RASSF2: variants seen among roughly 807,000 people sequenced by gnomAD.
RASSF2 encodes the protein Ras association domain family member 2.
In RASSF2, 34 loss-of-function variants were observed where a neutral mutation model predicts 46.3. That is an observed-to-expected ratio of 0.73 (90% CI 0.56 to 0.98). The LOEUF is 0.98. Among genes scored for constraint, RASSF2 ranks in the 50% least tolerant of loss-of-function variants. RASSF2 has a pLI of 0.00. For missense variants in RASSF2, 364 were observed against 431.2 expected (o/e 0.84, Z 1.38); for synonymous variants, 158 against 162.5 (o/e 0.97, Z 0.21).
rs138427842 is a variant in RASSF2, at chr20:4,798,015, G to A, written c.130C>T (p.Arg44Trp). 1.4e-5 allele frequency: 22 copies of A among 1,613,676 alleles called. No homozygotes were observed. Among genetic ancestry groups the A allele is most frequent in the Admixed American group, 5.0e-5 (3 of 59,982 alleles). The change falls in exon 4 of 12, where the codon CGG becomes TGG. Residue 44 changes from arginine to tryptophan, a missense_variant. Arg to Trp is a moderately radical substitution (Grantham distance 101). Transcript: ENST00000379400. ...CGTCCCTGGGGACTCCTTACCTCCC[G>A]GTGCCGGAGCTGTAAATTCTGGCCT... ...YEGQNLQLRHREEEDEFIVEG... is the reference protein window; with the variant it reads ...YEGQNLQLRHWEEEDEFIVEG...
chr20:4,823,294 G>A (rs894712650), intron 1 of RASSF2, among the ~76,000 whole-genome samples: 1 of 151,898 alleles, frequency 6.6e-6, no homozygotes, highest in Non-Finnish European at 1.5e-5. Flanking sequence ...AGTGCCCCGC[G>A]CCCCGCGCCC....
intron 4 of RASSF2, 81 bp downstream of exon 4, chr20:4,797,929 A>G: frequency 7.6e-6 from 12 of 1,574,066 alleles, no homozygotes; most frequent in Non-Finnish European, 1.0e-5. Context: ...TTCTCTTGGG[A>G]CCTCAGGGAC....
chr20:4,811,362 A>T (rs1927793943), intron 2 of RASSF2, among the ~76,000 whole-genome samples: 1 of 151,926 alleles, frequency 6.6e-6, no homozygotes, highest in African/African-American at 2.4e-5. Flanking sequence ...AAAAAATCAA[A>T]TCAAATCAAA....
rs150270542 is a variant in RASSF2, at chr20:4,805,793, G to A, written c.-32-4731C>T. Among the ~76,000 whole-genome samples, 46 of 152,274 alleles carry A rather than the reference G, an allele frequency of 3.0e-4. No individual in the cohort carries two copies. In the East Asian group the frequency reaches 8.5e-3, roughly 28 times the overall value. ...CGTGATGTGGAAAGCACACCCTTTG[G>A]GGAAAGGGTGTGCTGCCGGATGAAA... On this transcript the variant is annotated intron_variant, in intron 2 of 11. Coordinates refer to ENST00000379400, the MANE Select transcript of RASSF2 (RefSeq NM_014737.3).
chr20:4,798,410 T>C (rs1926551814), intron 3 of RASSF2, among the ~76,000 whole-genome samples: 1 of 152,292 alleles, frequency 6.6e-6, no homozygotes, highest in African/African-American at 2.4e-5. Flanking sequence ...TAATAAGCCA[T>C]GGATTCACTG....
At chr20:4,787,550 G>A (rs1925466034) in intron 10 of RASSF2, 83 bp downstream of exon 10, 1 of 1,566,194 alleles carries the variant, frequency 6.4e-7, no homozygotes, top group Admixed American at 1.7e-5. Flanking sequence ...GGTCAAAAAA[G>A]TCATTCTATA....
rs1052053997 is a variant in RASSF2, at chr20:4,795,300, C to A, written c.287+515G>T. 1 of 152,562 alleles carries A rather than the reference C, an allele frequency of 6.6e-6. No homozygotes were observed. Among genetic ancestry groups the A allele is most frequent in the Admixed American group, 6.5e-5 (1 of 15,294 alleles). The allele number at this position is 152,562 out of a possible 1,614,324, so 9.5% of individuals were successfully genotyped here. ...TGGTCTGCAGGGAGCAGACCCCTGG[C>A]TGATCTCGCTTGGCTGACTCTGACA... is the stretch of plus-strand genomic sequence containing the variant. On this transcript the variant is annotated intron_variant, in intron 5 of 11. Coordinates refer to ENST00000379400, the MANE Select transcript of RASSF2 (RefSeq NM_014737.3). The surrounding 1 kb of genome is among the most constrained non-coding windows in gnomAD (Gnocchi z 4.0).
intron 6 of RASSF2, among the ~76,000 whole-genome samples, chr20:4,791,763 GA>G (rs1159550351): frequency 6.6e-6 from 1 of 152,192 alleles, no homozygotes; most frequent in Non-Finnish European, 1.5e-5. Context: ...AGCAGAGGCT[GA>G]AAATGACTTA....
chr20:4,789,029 C>T (rs1925617826), intron 8 of RASSF2, among the ~76,000 whole-genome samples: 1 of 152,128 alleles, frequency 6.6e-6, no homozygotes, highest in Non-Finnish European at 1.5e-5. Context: ...GGTTGTTAGG[C>T]TACACTGGCT....
intron 2 of RASSF2, among the ~76,000 whole-genome samples, chr20:4,810,938 C>A (rs2122637060): frequency 6.6e-6 from 1 of 152,224 alleles, no homozygotes; most frequent in South Asian, 2.1e-4. Context: ...TGGACTGAAA[C>A]CAAGGATGGG....
At chr20:4,792,254 A>AGGG in intron 6 of RASSF2, among the ~76,000 whole-genome samples, 1 of 36,520 alleles carries the variant, frequency 2.7e-5, no homozygotes, top group Non-Finnish European at 4.7e-5. Flanking sequence ...AGGGAAGGGG[A>AGGG]GAGGAGGGGA....
intron 2 of RASSF2, among the ~76,000 whole-genome samples, chr20:4,813,113 C>T (rs1927959915): frequency 1.3e-5 from 2 of 152,220 alleles, no homozygotes; most frequent in African/African-American, 4.8e-5. Flanking sequence ...CAATGAACTA[C>T]CCCTCCCATT....
chr20:4,803,580 C>A (rs1927076508), intron 2 of RASSF2, among the ~76,000 whole-genome samples: 1 of 151,626 alleles, frequency 6.6e-6, no homozygotes, highest in Non-Finnish European at 1.5e-5. Flanking sequence ...AGCAGGAGAC[C>A]CCATCTCTAC....
At chr20:4,792,358 G>A (rs1195132634) in intron 6 of RASSF2, among the ~76,000 whole-genome samples, 181 bp downstream of exon 6, 1 of 151,794 alleles carries the variant, frequency 6.6e-6, no homozygotes, top group African/African-American at 2.4e-5. Flanking sequence ...ACTATCCCAC[G>A]AAGGATGTTC....
intron 2 of RASSF2, among the ~76,000 whole-genome samples, chr20:4,818,066 A>G (rs1332558570): frequency 6.6e-6 from 1 of 152,190 alleles, no homozygotes; most frequent in Non-Finnish European, 1.5e-5. Flanking sequence ...CAGGAGTTCA[A>G]GACCAGCCTG....
chr20:4,789,822 ACT>A (rs2122457233), intron 7 of RASSF2, 125 bp from the exon 8 acceptor site: 1 of 740,162 alleles, frequency 1.4e-6, no homozygotes, highest in South Asian at 1.7e-5. Flanking sequence ...CCCCCGGCAG[ACT>A]GGCAAGCAGC....
intron 2 of RASSF2, among the ~76,000 whole-genome samples, chr20:4,811,891 GAAGA>G (rs1162933340): frequency 1.3e-5 from 2 of 152,180 alleles, no homozygotes; most frequent in Non-Finnish European, 2.9e-5. Flanking sequence ...CTGGGTTGGA[GAAGA>G]AAGTTGCTGG....
chr20:4,789,991 G>T (rs1397755205), intron 7 of RASSF2, among the ~76,000 whole-genome samples: 1 of 152,158 alleles, frequency 6.6e-6, no homozygotes, highest in Non-Finnish European at 1.5e-5. Flanking sequence ...AAAGCAGGAG[G>T]AAAGGAGGGA....
At chr20:4,801,718 G>T (rs1926885120) in intron 2 of RASSF2, among the ~76,000 whole-genome samples, 1 of 151,836 alleles carries the variant, frequency 6.6e-6, no homozygotes, top group Non-Finnish European at 1.5e-5. Flanking sequence ...TCTCAACCTT[G>T]GCACTATTAC....
Sources: allele counts gnomAD v4.1 joint callset (sites outside exome capture counted in the v4.1 genomes callset), GRCh38; gene constraint gnomAD v4.1.1; non-coding constraint Gnocchi (gnomAD v3.1); transcripts MANE v1.5; gene names NCBI Gene and HGNC (gene_info 2026-07-23, HGNC 2026-07-21).